The following GALNT14 variants were observed in gnomAD, a reference collection of about 807,000 sequenced individuals.
GALNT14 encodes the protein polypeptide N-acetylgalactosaminyltransferase 14.
GALNT14 carries 60 observed loss-of-function variants against 77.5 expected under a neutral mutation model. The ratio of observed to expected loss-of-function variants is 0.77; its 90% CI spans 0.63 to 0.96. The LOEUF is 0.96. GALNT14 is among the 40% of genes least tolerant of loss of function. The probability of loss-of-function intolerance (pLI) is 0.00; values close to 1 mark genes in which losing one functional copy is unlikely to be tolerated. For synonymous variants in GALNT14, 280 were observed against 281.7 expected (o/e 0.99, Z 0.06); for missense variants, 710 against 731.0 (o/e 0.97, Z 0.33).
At chr2:30,967,515 G>A (rs1668082367) in intron 2 of GALNT14, among the ~76,000 whole-genome samples, 1 of 152,178 alleles carries the variant, frequency 6.6e-6, no homozygotes. Context: ...GCTGGGCGTG[G>A]GTCATCCAGG....
chr2:31,051,886 C>T (rs969658900), intron 1 of GALNT14, among the ~76,000 whole-genome samples: 4 of 152,158 alleles, frequency 2.6e-5, no homozygotes, highest in Non-Finnish European at 5.9e-5. Flanking sequence ...ACAAAGATTT[C>T]GGAAATAGCT....
intron 2 of GALNT14, among the ~76,000 whole-genome samples, chr2:30,981,207 T>C (rs911487706): frequency 2.0e-5 from 3 of 152,238 alleles, no homozygotes; most frequent in Admixed American, 1.3e-4. Context: ...TAGAGGCACA[T>C]GTGTTATATC....
intron 2 of GALNT14, among the ~76,000 whole-genome samples, chr2:30,969,045 G>T (rs1319027096): frequency 6.6e-6 from 1 of 152,204 alleles, no homozygotes; most frequent in Non-Finnish European, 1.5e-5. Context: ...CAGAGGGGAA[G>T]GAGCCAGCAT....
intron 1 of GALNT14, among the ~76,000 whole-genome samples, chr2:31,087,784 G>A (rs1676522469): frequency 6.6e-6 from 1 of 152,192 alleles, no homozygotes; most frequent in Admixed American, 6.5e-5. Flanking sequence ...ATAGACTGAA[G>A]GTTTGTGTCC....
chr2:30,895,329 C>T, the GALNT14 span, among the ~76,000 whole-genome samples: 1 of 128,816 alleles, frequency 7.8e-6, no homozygotes, highest in Non-Finnish European at 1.7e-5. Flanking sequence ...TTAAGATGGG[C>T]TGTGCAGAGA....
intron 1 of GALNT14, among the ~76,000 whole-genome samples, chr2:31,027,174 G>A (rs574191689): frequency 2.0e-5 from 3 of 152,356 alleles, no homozygotes; most frequent in African/African-American, 7.2e-5. Context: ...GCTCACGCCT[G>A]TAATCCCAAC....
chr2:31,010,378 T>C (rs542068376), intron 1 of GALNT14, among the ~76,000 whole-genome samples: 2 of 152,162 alleles, frequency 1.3e-5, no homozygotes, highest in Admixed American at 1.3e-4. Flanking sequence ...GGCGGGCAGA[T>C]CACGAGGTCA....
chr2:31,121,970 C>T (rs573352629), intron 1 of GALNT14, among the ~76,000 whole-genome samples: 2 of 152,214 alleles, frequency 1.3e-5, no homozygotes, highest in African/African-American at 4.8e-5. Context: ...AATAGGCCAT[C>T]TTCTATCATT....
intron 1 of GALNT14, among the ~76,000 whole-genome samples, chr2:31,123,142 A>G (rs932116758): frequency 1.4e-4 from 20 of 139,394 alleles, no homozygotes; most frequent in African/African-American, 5.4e-4. Context: ...AGGTGGCACC[A>G]CTGCACTCCA....
At chr2:30,909,056 A>G (rs1018321601), downstream of GALNT14, among the ~76,000 whole-genome samples, 22 of 152,214 alleles carry the variant, frequency 1.4e-4, no homozygotes, top group Non-Finnish European at 2.2e-4. Context: ...ACAAAATTCA[A>G]TTCAAGATGG....
At chr2:30,981,873 G>C (rs1669010114) in intron 2 of GALNT14, among the ~76,000 whole-genome samples, 1 of 152,158 alleles carries the variant, frequency 6.6e-6, no homozygotes, top group African/African-American at 2.4e-5. Flanking sequence ...GGCATTGTTG[G>C]GCAGTATCTT....
chr2:30,961,733 G>A (rs933829584), intron 3 of GALNT14, among the ~76,000 whole-genome samples: 2 of 151,426 alleles, frequency 1.3e-5, no homozygotes, highest in South Asian at 4.2e-4. Context: ...CAAGACTGGA[G>A]TGCAATGGCA....
intron 1 of GALNT14, among the ~76,000 whole-genome samples, chr2:31,028,227 G>A (rs1672191670): frequency 6.6e-6 from 1 of 152,164 alleles, no homozygotes; most frequent in South Asian, 2.1e-4. Context: ...GTGTGAGAAT[G>A]CCTGGCCTCT....
rs373001089 is a variant in GALNT14 at position 30,910,933 on chromosome 2, T to A, written c.1627A>T (p.Met543Leu). The A allele has an allele frequency of 1.2e-6, 2 of 1,613,926 alleles. No individual in the cohort carries two copies. The highest frequency in any genetic ancestry group is 1.3e-5 in the African/African-American group (1 of 74,938). Residue 543 changes from methionine (M) to leucine (L), a missense_variant, in exon 15 of 15, where the codon ATG becomes TTG. Transcript: ENST00000349752. ...CTCACCATGTCCCAGTGCTGGCTCA[T>A]GAGTGAGGACTCACATGGGTTGACG... Reference protein sequence around the residue: ...IVVNPCESSLMSQHWDMVSS With the variant: ...IVVNPCESSLLSQHWDMVSS
At chr2:30,956,264 T>C (rs1200085795) in intron 4 of GALNT14, among the ~76,000 whole-genome samples, 3 of 152,254 alleles carry the variant, frequency 2.0e-5, no homozygotes, top group African/African-American at 7.2e-5. Flanking sequence ...ATGTTCCAGG[T>C]GGAAAATCTT....
At chr2:30,934,224 T>C (rs1028167755) in intron 9 of GALNT14, among the ~76,000 whole-genome samples, 1 of 152,110 alleles carries the variant, frequency 6.6e-6, no homozygotes, top group Non-Finnish European at 1.5e-5. Context: ...CACATCCCCA[T>C]CTTGCAGTAG....
At chr2:30,959,059 C>T (rs1196042207) in intron 3 of GALNT14, among the ~76,000 whole-genome samples, 2 of 152,164 alleles carry the variant, frequency 1.3e-5, no homozygotes, top group African/African-American at 4.8e-5. Context: ...TGCCCAGTGC[C>T]GCTGTCTGAA....
intron 1 of GALNT14, among the ~76,000 whole-genome samples, chr2:31,005,272 G>A (rs1670601072): frequency 6.6e-6 from 1 of 152,206 alleles, no homozygotes; most frequent in Non-Finnish European, 1.5e-5. Context: ...TGTTGTGTGT[G>A]TGGGGGTGGG....
chr2:31,067,324 G>A (rs1018257394), intron 1 of GALNT14, among the ~76,000 whole-genome samples: 1 of 152,256 alleles, frequency 6.6e-6, no homozygotes, highest in South Asian at 2.1e-4. Context: ...TCCCCACGGG[G>A]GCCAAAGAGA....
Sources: allele counts gnomAD v4.1 joint callset (sites outside exome capture counted in the v4.1 genomes callset), GRCh38; gene constraint gnomAD v4.1.1; transcripts MANE v1.5; gene names NCBI Gene and HGNC (gene_info 2026-07-23, HGNC 2026-07-21).